MTIF2: variants seen among roughly 807,000 people sequenced by gnomAD.
The protein encoded by MTIF2 is translation initiation factor IF-2, mitochondrial.
In MTIF2, 71 loss-of-function variants were observed where a neutral mutation model predicts 83.5. That is an observed-to-expected ratio of 0.85 (90% confidence interval 0.70 to 1.04). MTIF2 has a LOEUF of 1.04. MTIF2 is among the 50% of genes least tolerant of loss of function. MTIF2 has a pLI of 0.00. For synonymous variants in MTIF2, 319 were observed against 287.1 expected (o/e 1.11, Z -1.12); for missense variants, 957 against 846.5 (o/e 1.13, Z -1.62).
chr2:55,262,503 T>C (rs1360477704), intron 4 of MTIF2, 76 bp from the exon 5 acceptor site: 2 of 778,474 alleles, frequency 2.6e-6, no homozygotes, highest in Non-Finnish European at 4.3e-6. Context: ...TTCTCAAATA[T>C]CTACCACAAT....
Position 55,254,765 on chromosome 2 carries a change from G to C in MTIF2, c.392C>G (p.Ser131Ter). 3 of 1,609,504 alleles carry C rather than the reference G, an allele frequency of 1.9e-6. No homozygotes were observed. Among genetic ancestry groups the C allele is most frequent in the Non-Finnish European group, 2.5e-6 (3 of 1,177,810 alleles). ...TTTGATCCAGACTTCATCTAAATGT[G>C]AGTCTGCTTCCAGTGAATCTATGTC... ...DIDIDSLEAD[S>*]HLDEVWIKEV... The change falls in exon 6 of 16, where the codon TCA (serine) becomes TGA (stop). Residue 131 changes from serine (S) to a stop codon, truncating the protein, a stop_gained. Transcript: ENST00000263629. LOFTEE classifies it high-confidence loss of function.
intron 9 of MTIF2, among the ~76,000 whole-genome samples, chr2:55,247,424 G>A (rs775881133): frequency 6.6e-6 from 1 of 152,020 alleles, no homozygotes; most frequent in Non-Finnish European, 1.5e-5. Flanking sequence ...GTGGTGGCAC[G>A]TGCCTGTAAT....
intron 7 of MTIF2, among the ~76,000 whole-genome samples, chr2:55,253,490 C>T (rs1677259736): frequency 1.3e-5 from 2 of 151,764 alleles, no homozygotes; most frequent in South Asian, 4.2e-4. Context: ...ACCAGCCTGG[C>T]CAACATGGCA....
chr2:55,246,422 G>C lies in MTIF2; in HGVS notation c.1021C>G (p.Leu341Val), dbSNP rs148184724. 2 of 1,613,580 alleles carry C rather than the reference G, an allele frequency of 1.2e-6. No homozygotes were observed. Among genetic ancestry groups the C allele is most frequent in the Non-Finnish European group, 1.7e-6 (2 of 1,179,612 alleles). Residue 341 changes from leucine to valine, a missense_variant, in exon 10 of 16, where the codon CTT becomes GTT. By Grantham distance (32) the Leu-to-Val change is conservative. This residue lies in a region of MTIF2 where 733 missense variants were observed against 648.7 expected (regional missense o/e 1.13). Transcript: ENST00000263629. ...LMALAEATVA[L>V]AEMLELKADP... ...GCTTTCAATTCTAACATTTCTGCAA[G>C]AGCAACTGTTGCTTCTGCCAAAGCC...
intron 5 of MTIF2, among the ~76,000 whole-genome samples, chr2:55,255,936 G>A (rs1041966402): frequency 6.6e-6 from 1 of 152,018 alleles, no homozygotes; most frequent in Non-Finnish European, 1.5e-5. Context: ...AAGTGCAGTG[G>A]GGCAATCTCG....
chr2:55,263,652 T>C lies in MTIF2; in HGVS notation c.207A>G (p.Leu69=), dbSNP rs1134722. ...TGAALSQYRL[L]VTKKEEGPWK... is the part of the protein sequence containing the mutation. ...AATCTGTAACTACCTTTTTTGTTAC[T>C]AGAAGCCTATACTGAGATAAAGCAG... The change falls in exon 4 of 16, where the codon CTA becomes CTG. Residue 69 remains leucine (L), a synonymous_variant. Transcript: ENST00000263629. The C allele has an allele frequency of 0.052, 83,890 of 1,601,504 alleles. 2,317 individuals carry two copies. Among genetic ancestry groups the C allele is most frequent in the East Asian group, 0.064 (2,883 of 44,834 alleles).
At chr2:55,251,480 G>C (rs1327248074) in intron 8 of MTIF2, among the ~76,000 whole-genome samples, 2 of 152,182 alleles carry the variant, frequency 1.3e-5, no homozygotes, top group Non-Finnish European at 2.9e-5. Flanking sequence ...GCTGTAAAAT[G>C]AAAGAACTGG....
chr2:55,242,067 G>A (rs942426474), intron 13 of MTIF2, among the ~76,000 whole-genome samples: 3 of 151,454 alleles, frequency 2.0e-5, no homozygotes, highest in South Asian at 2.1e-4. Flanking sequence ...AGAATCCCTT[G>A]GGAGGCAGAG....
chr2:55,254,274 T>C (rs1333870446), intron 6 of MTIF2, 73 bp from the exon 7 acceptor site: 3 of 1,490,738 alleles, frequency 2.0e-6, no homozygotes, highest in Non-Finnish European at 2.7e-6. Flanking sequence ...TTGGTTCACA[T>C]TTATCCCTGT....
At chr2:55,252,330 C>A (rs62135145) in intron 8 of MTIF2, 147 bp downstream of exon 8, 5 of 676,740 alleles carry the variant, frequency 7.4e-6, no homozygotes, top group African/African-American at 5.4e-5. Context: ...AGTTATAAGT[C>A]TGTGGGAAAA....
intron 9 of MTIF2, among the ~76,000 whole-genome samples, chr2:55,247,518 C>G (rs1053777305): frequency 6.6e-6 from 1 of 152,104 alleles, no homozygotes. Flanking sequence ...TGCCACTGCT[C>G]TCCAGCCTGA....
At chr2:55,241,417 C>CAA (rs71410490) in intron 13 of MTIF2, among the ~76,000 whole-genome samples, 19 of 80,548 alleles carry the variant, frequency 2.4e-4, no homozygotes, top group African/African-American at 5.2e-4. Context: ...GACTCTGTCT[C>CAA]AAAAAAAAAA....
chr2:55,245,119 CATGA>C (rs1676598618), intron 10 of MTIF2, among the ~76,000 whole-genome samples: 1 of 152,058 alleles, frequency 6.6e-6, no homozygotes, highest in African/African-American at 2.4e-5. Flanking sequence ...CAGGCTACAA[CATGA>C]ATGAAACTCT....
At chr2:55,260,633 C>G (rs1677896750) in intron 5 of MTIF2, among the ~76,000 whole-genome samples, 1 of 152,130 alleles carries the variant, frequency 6.6e-6, no homozygotes, top group African/African-American at 2.4e-5. Context: ...GGTTCAAATC[C>G]TGGCTCTCCC....
chr2:55,265,144 G>A (rs780694759), intron 3 of MTIF2, among the ~76,000 whole-genome samples: 2 of 151,380 alleles, frequency 1.3e-5, no homozygotes, highest in Non-Finnish European at 2.9e-5. Context: ...CCAGAAGGCT[G>A]AGGCAGGAGA....
chr2:55,259,343 C>T lies in MTIF2; in HGVS notation c.331+2973G>A, dbSNP rs915491632. Among the ~76,000 whole-genome samples the T allele has an allele frequency of 6.6e-5, 10 of 151,946 alleles. 1 individual carries two copies. Among genetic ancestry groups the T allele is most frequent in the South Asian group, 4.1e-4 (2 of 4,820 alleles). On this transcript the variant is annotated intron_variant, in intron 5 of 15. Coordinates refer to ENST00000263629, the MANE Select transcript of MTIF2 (RefSeq NM_002453.3). ...AGAAGAGATTTGAATATGAAATAAGCTTCAAATAGACACATTTATTTTCAT... is the reference window on the plus strand; with the variant it reads ...AGAAGAGATTTGAATATGAAATAAGTTTCAAATAGACACATTTATTTTCAT...
intron 13 of MTIF2, among the ~76,000 whole-genome samples, chr2:55,240,947 A>T (rs1180911431): frequency 6.6e-6 from 1 of 152,156 alleles, no homozygotes; most frequent in Non-Finnish European, 1.5e-5. Flanking sequence ...AAAAATAGTG[A>T]CTTAAAGGGG....
chr2:55,268,614 T>C lies in MTIF2; in HGVS notation c.-111A>G, dbSNP rs763523899. On this transcript the variant is annotated 5_prime_UTR_variant, in exon 2 of 16. Coordinates refer to ENST00000263629, the MANE Select transcript of MTIF2 (RefSeq NM_002453.3). The stretch of plus-strand genomic sequence containing the variant: ...CATTTTACAGAAAAGGAAACGGAAA[T>C]CCAGAAGGGTCAAAAAAGCTTCTCC... The C allele has an allele frequency of 5.3e-5, 8 of 152,178 alleles. No individual in the cohort carries two copies. Among genetic ancestry groups the C allele is most frequent in the Non-Finnish European group, 1.2e-4 (8 of 68,088 alleles). 9.4% of individuals were successfully genotyped at this position (152,178 alleles called of 1,614,324 possible).
chr2:55,253,195 TAA>T (rs1404115253), intron 7 of MTIF2, among the ~76,000 whole-genome samples: 4 of 152,116 alleles, frequency 2.6e-5, no homozygotes, highest in Non-Finnish European at 5.9e-5. Flanking sequence ...GTTGTCAAGA[TAA>T]AAAAGACAAA....
Sources: gnomAD v4.1 joint callset for allele counts (sites outside exome capture counted in the v4.1 genomes callset) on GRCh38, gnomAD v4.1.1 for gene constraint, gnomAD v4.1.1 regional missense constraint, MANE v1.5 for transcripts, NCBI Gene and HGNC (gene_info 2026-07-23, HGNC 2026-07-21) for gene names.